Variants in AMBRA1 observed in about 807,000 individuals in gnomAD.
AMBRA1 encodes the protein activating molecule in BECN1-regulated autophagy protein 1.
AMBRA1 carries 47 observed loss-of-function variants against 125.4 expected under a neutral mutation model. That is an observed-to-expected ratio of 0.37 (90% CI 0.30 to 0.48). The LOEUF (loss-of-function observed/expected upper bound fraction) is 0.48, where lower values mean the gene tolerates loss of function less well. AMBRA1 is among the 20% of genes least tolerant of loss of function. AMBRA1 has a pLI of 0.99. For synonymous variants in AMBRA1, 626 were observed against 655.5 expected (o/e 0.95, Z 0.69); for missense variants, 1,331 against 1,693.4 (o/e 0.79, Z 3.76).
intron 1 of AMBRA1, among the ~76,000 whole-genome samples, chr11:46,560,240 G>A (rs757154026): frequency 2.0e-5 from 3 of 152,162 alleles, no homozygotes; most frequent in Non-Finnish European, 2.9e-5. Flanking sequence ...ACAGGCAGCA[G>A]CATTAGTTTT....
chr11:46,527,153 G>T (rs1316187930), intron 7 of AMBRA1, among the ~76,000 whole-genome samples: 1 of 152,032 alleles, frequency 6.6e-6, no homozygotes, highest in Non-Finnish European at 1.5e-5. Context: ...TAGAATTTGA[G>T]AAATTAAGGC....
At position 46,434,928 on chromosome 11, in the gene AMBRA1, G is replaced by T; in HGVS notation, c.2742C>A (p.Gly914=). 6.2e-7 allele frequency: 1 copy of T among 1,614,150 alleles called. No individual in the cohort carries two copies. Among genetic ancestry groups the T allele is most frequent in the East Asian group, 2.2e-5 (1 of 44,886 alleles). The change falls in exon 13 of 18, where the codon GGC becomes GGA. Residue 914 remains glycine (G), a synonymous_variant. Coordinates refer to ENST00000683756, the MANE Select transcript of AMBRA1 (RefSeq NM_001387011.1). ...CTGCCAGGATGCCTTCATCAGGAAA[G>T]CCCCTCTGGCTGCTGGGGATGAAAG... ...LAAFIPSSQR[G]FPDEGILAVY... is the part of the protein sequence containing the mutation.
At chr11:46,419,339 A>G (rs574978403) in intron 14 of AMBRA1, among the ~76,000 whole-genome samples, 1 of 152,332 alleles carries the variant, frequency 6.6e-6, no homozygotes, top group East Asian at 1.9e-4. Context: ...TGGAAGAATA[A>G]AAGACATGGG....
rs565680388 is a variant in AMBRA1 at position 46,463,046 on chromosome 11, G to A, written c.2522-19448C>T. ...TGGGATTACAGGCGTGAGCCACCAC[G>A]TCTGGCCAATAATCCCCTTTTCTAA... On this transcript the variant is annotated intron_variant, in intron 11 of 17. Transcript: ENST00000683756. Among the ~76,000 whole-genome samples, 7 of 152,250 alleles carry A rather than the reference G, an allele frequency of 4.6e-5. No homozygotes were observed. In the South Asian group the frequency reaches 1.0e-3, roughly 23 times the overall value.
intron 12 of AMBRA1, among the ~76,000 whole-genome samples, chr11:46,441,254 C>T (rs895422756): frequency 1.3e-5 from 2 of 152,198 alleles, no homozygotes; most frequent in African/African-American, 4.8e-5. Context: ...TGGCTCACGC[C>T]TGTAATCCCA....
chr11:46,521,726 G>T (rs979690942), intron 7 of AMBRA1, among the ~76,000 whole-genome samples: 1 of 152,170 alleles, frequency 6.6e-6, no homozygotes, highest in Non-Finnish European at 1.5e-5. Context: ...TCGCTGCAGG[G>T]CCCCCTAGTT....
At chr11:46,513,184 T>C (rs1951331139) in intron 7 of AMBRA1, among the ~76,000 whole-genome samples, 1 of 151,954 alleles carries the variant, frequency 6.6e-6, no homozygotes, top group Non-Finnish European at 1.5e-5. Flanking sequence ...TGCTAACATT[T>C]ATCTTGTTGT....
Position 46,547,884 on chromosome 11 carries a change from C to CAA in AMBRA1, c.136-11_136-10dup, listed in dbSNP as rs58268270. ...TCCGGCAGTTCTACTCTCTGGGAGA[C>CAA]AAAAAAAAAAAAAAAGTTAAAATAC... is the stretch of plus-strand genomic sequence containing the variant. On this transcript the variant is annotated splice_polypyrimidine_tract_variant and intron_variant, in intron 2 of 17. Coordinates refer to ENST00000683756, the MANE Select transcript of AMBRA1 (RefSeq NM_001387011.1). 626 of 1,419,412 alleles carry CAA rather than the reference C, an allele frequency of 4.4e-4. No homozygotes were observed. Among genetic ancestry groups the CAA allele is most frequent in the African/African-American group, 1.8e-3 (106 of 59,370 alleles). The allele number at this position is 1,419,412 out of a possible 1,614,324, so 87.9% of individuals were successfully genotyped here.
At chr11:46,521,970 G>C (rs1007452371) in intron 7 of AMBRA1, among the ~76,000 whole-genome samples, 2 of 152,180 alleles carry the variant, frequency 1.3e-5, no homozygotes, top group Non-Finnish European at 2.9e-5. Flanking sequence ...CTTTTCACCA[G>C]AAACGCTTAA....
At position 46,433,694 on chromosome 11, in the gene AMBRA1, C is replaced by T. The variant is rs953853339; in HGVS notation, c.2822-66G>A. On this transcript the variant is annotated intron_variant, in intron 13 of 17. Coordinates refer to ENST00000683756, the MANE Select transcript of AMBRA1 (RefSeq NM_001387011.1). ...GGCCATTCCAAGGAAACAACTTTCA[C>T]TCTTACTCTTGTCTTTTTCTCTAAT... The T allele has an allele frequency of 2.1e-5, 31 of 1,511,576 alleles. No homozygotes were observed. The Admixed American group carries it at 5.1e-4, about 25-fold the overall frequency. 93.6% of individuals were successfully genotyped at this position (1,511,576 alleles called of 1,614,324 possible). A position where few individuals can be genotyped will look rare whatever the true frequency, so the allele number is the denominator to read the frequency against.
intron 11 of AMBRA1, among the ~76,000 whole-genome samples, chr11:46,481,382 A>T (rs1001499825): frequency 2.0e-5 from 3 of 152,058 alleles, no homozygotes; most frequent in African/African-American, 7.2e-5. Flanking sequence ...TGAGCTGAAC[A>T]CACTATTTTT....
chr11:46,399,757 T>C (rs962758781), intron 17 of AMBRA1, among the ~76,000 whole-genome samples: 14 of 152,184 alleles, frequency 9.2e-5, no homozygotes, highest in African/African-American at 3.4e-4. Flanking sequence ...TCCCCAGTTA[T>C]TGTTCTCCTG....
At chr11:46,497,950 G>T (rs1254946165) in intron 9 of AMBRA1, among the ~76,000 whole-genome samples, 1 of 152,194 alleles carries the variant, frequency 6.6e-6, no homozygotes, top group Non-Finnish European at 1.5e-5. Flanking sequence ...AGAGGGATAA[G>T]TTCCAATAGA....
At chr11:46,523,573 A>G (rs1185267572) in intron 7 of AMBRA1, among the ~76,000 whole-genome samples, 2 of 152,226 alleles carry the variant, frequency 1.3e-5, no homozygotes, top group African/African-American at 4.8e-5. Context: ...CCCCTGTACT[A>G]TAATCAGAAG....
At chr11:46,432,024 G>A (rs976532602) in intron 14 of AMBRA1, among the ~76,000 whole-genome samples, 1 of 152,062 alleles carries the variant, frequency 6.6e-6, no homozygotes, top group African/African-American at 2.4e-5. Context: ...TAAAGAGGAT[G>A]CTTTATTTTT....
intron 11 of AMBRA1, among the ~76,000 whole-genome samples, chr11:46,468,922 T>C (rs1240659525): frequency 6.6e-6 from 1 of 151,884 alleles, no homozygotes; most frequent in Non-Finnish European, 1.5e-5. Context: ...GGCAGGTGGA[T>C]CACCTGAAGT....
chr11:46,585,463 C>T (rs1393405442), intron 1 of AMBRA1, among the ~76,000 whole-genome samples: 1 of 149,132 alleles, frequency 6.7e-6, no homozygotes, highest in Non-Finnish European at 1.5e-5. Context: ...GTCAGGAGAT[C>T]GAGACCATCC....
chr11:46,428,581 T>C lies in AMBRA1; in HGVS notation c.2976+4893A>G. Reference sequence around the variant, plus strand: ...CAATGAGGATCTTTTCCACTTCTTCTTCTTCTTCTTCTTTTTTTTTTAAGG... The same window carrying C: ...CAATGAGGATCTTTTCCACTTCTTCCTCTTCTTCTTCTTTTTTTTTTAAGG... On this transcript the variant is annotated intron_variant, in intron 14 of 17. Coordinates refer to ENST00000683756, the MANE Select transcript of AMBRA1 (RefSeq NM_001387011.1). The C allele has an allele frequency of 6.7e-6, 8 of 1,192,788 alleles. 1 individual carries two copies. The highest frequency in any genetic ancestry group is 8.3e-6 in the Non-Finnish European group (7 of 846,890). 73.9% of individuals were successfully genotyped at this position (1,192,788 alleles called of 1,614,324 possible). A position where few individuals can be genotyped will look rare whatever the true frequency, so the allele number is the denominator to read the frequency against.
intron 12 of AMBRA1, among the ~76,000 whole-genome samples, chr11:46,440,964 A>T (rs1038164547): frequency 5.9e-5 from 9 of 152,388 alleles, no homozygotes; most frequent in African/African-American, 1.7e-4. Context: ...GTGGTAATTC[A>T]TAAACCAAAA....
Sources: allele counts gnomAD v4.1 joint callset (sites outside exome capture counted in the v4.1 genomes callset), GRCh38; gene constraint gnomAD v4.1.1; transcripts MANE v1.5; gene names NCBI Gene and HGNC (gene_info 2026-07-23, HGNC 2026-07-21).